The following ANKFN1 variants were observed in gnomAD, a reference collection of about 807,000 sequenced individuals.
ANKFN1 encodes ankyrin repeat and fibronectin type-III domain-containing protein 1.
Under a neutral mutation model 108.7 loss-of-function variants are expected in ANKFN1, and 74 were observed. That is an observed-to-expected ratio of 0.68 (90% CI 0.56 to 0.83). The LOEUF (loss-of-function observed/expected upper bound fraction) is 0.83, where lower values mean the gene tolerates loss of function less well. Ranked by LOEUF, ANKFN1 falls within the 40% of genes least tolerant of loss-of-function variation. ANKFN1 has a pLI of 0.00. For synonymous variants in ANKFN1, 547 were observed against 516.2 expected (o/e 1.06, Z -0.81); for missense variants, 1,505 against 1,382.3 (o/e 1.09, Z -1.41).
intron 4 of ANKFN1, among the ~76,000 whole-genome samples, chr17:56,105,494 CT>C (rs566075497): frequency 6.3e-4 from 96 of 152,072 alleles, no homozygotes; most frequent in Non-Finnish European, 1.0e-3. Context: ...TCCTTTGTAT[CT>C]TTTTTTCTTT....
At chr17:56,114,233 A>G (rs1248929377) in intron 4 of ANKFN1, among the ~76,000 whole-genome samples, 1 of 152,208 alleles carries the variant, frequency 6.6e-6, no homozygotes, top group Non-Finnish European at 1.5e-5. Flanking sequence ...ATTTTGGATG[A>G]CAGCTTTTAG....
At chr17:56,077,118 G>A (rs1203131961) in intron 4 of ANKFN1, among the ~76,000 whole-genome samples, 1 of 152,196 alleles carries the variant, frequency 6.6e-6, no homozygotes, top group East Asian at 1.9e-4. Context: ...GTTGTGTGAG[G>A]CAGGTAGATA....
chr17:56,148,326 C>T (rs974781069), intron 4 of ANKFN1, among the ~76,000 whole-genome samples: 6 of 152,174 alleles, frequency 3.9e-5, no homozygotes, highest in African/African-American at 9.6e-5. Flanking sequence ...ATTCTTTACA[C>T]GAATGGGATG....
At chr17:56,253,484 T>C (rs1396377664) in intron 3 of ANKFN1, among the ~76,000 whole-genome samples, 3 of 152,180 alleles carry the variant, frequency 2.0e-5, no homozygotes, top group Admixed American at 6.5e-5. Context: ...ACACCCATAA[T>C]CCCAGCACTT....
At chr17:56,099,921 C>T (rs1214719486) in intron 4 of ANKFN1, among the ~76,000 whole-genome samples, 5 of 152,220 alleles carry the variant, frequency 3.3e-5, no homozygotes, top group African/African-American at 1.2e-4. Context: ...GTCACTTCAC[C>T]CTTCTGGTTG....
At chr17:56,355,154 A>C (rs1318323824) in intron 6 of ANKFN1, among the ~76,000 whole-genome samples, 2 of 152,178 alleles carry the variant, frequency 1.3e-5, no homozygotes, top group Non-Finnish European at 2.9e-5. Flanking sequence ...GGATACACTA[A>C]ATACCCTAAT....
chr17:56,053,692 G>A (rs1292681531), intron 4 of ANKFN1, among the ~76,000 whole-genome samples: 2 of 151,994 alleles, frequency 1.3e-5, no homozygotes, highest in East Asian at 3.9e-4. Context: ...TGGATTTTAT[G>A]GTAGCTGTAT....
At chr17:56,327,226 T>C (rs1040675355) in intron 4 of ANKFN1, among the ~76,000 whole-genome samples, 4 of 152,150 alleles carry the variant, frequency 2.6e-5, no homozygotes, top group African/African-American at 4.8e-5. Flanking sequence ...AGAAAGTGAA[T>C]GTAGAAAGAT....
intron 8 of ANKFN1, among the ~76,000 whole-genome samples, chr17:56,399,857 A>G (rs1169186080): frequency 1.4e-5 from 2 of 146,758 alleles, no homozygotes; most frequent in East Asian, 3.9e-4. Flanking sequence ...ATATATATAT[A>G]TATATATATA....
At position 56,171,709 on chromosome 17, in the gene ANKFN1, C is replaced by T. The variant is rs540649775; in HGVS notation, c.-71+18179C>T. Among the ~76,000 whole-genome samples the T allele has an allele frequency of 3.9e-5, 6 of 152,304 alleles. No individual in the cohort carries two copies. In the East Asian group the frequency reaches 1.2e-3, roughly 29 times the overall value. ...CTCTGAAACAAGAGGCTGTCCACAG[C>T]TGGGTCACATACACTGAGTCTGAGT... On this transcript the variant is annotated intron_variant, in intron 1 of 20. Transcript: ENST00000682825.
chr17:56,380,849 T>C (rs1048594326), intron 8 of ANKFN1, among the ~76,000 whole-genome samples: 2 of 152,180 alleles, frequency 1.3e-5, no homozygotes, highest in African/African-American at 4.8e-5. Flanking sequence ...GCTCCACCTC[T>C]AGGGGTAGGG....
At chr17:56,260,818 A>C (rs1457616658) in intron 3 of ANKFN1, among the ~76,000 whole-genome samples, 2 of 152,206 alleles carry the variant, frequency 1.3e-5, no homozygotes, top group African/African-American at 2.4e-5. Flanking sequence ...AGCCAGGTCC[A>C]AACGATGTCA....
At chr17:56,422,455 A>G (rs1359630531) in intron 8 of ANKFN1, among the ~76,000 whole-genome samples, 2 of 151,198 alleles carry the variant, frequency 1.3e-5, no homozygotes, top group Non-Finnish European at 2.9e-5. Context: ...GCATGCACAC[A>G]CATGCACACA....
At chr17:56,500,123 GA>G (rs1281910539) in intron 20 of ANKFN1, among the ~76,000 whole-genome samples, 3 of 152,190 alleles carry the variant, frequency 2.0e-5, no homozygotes, top group Non-Finnish European at 4.4e-5. Context: ...TATGTAAAAT[GA>G]GAATAATACC....
At chr17:56,465,249 C>CA (rs1277681827) in intron 14 of ANKFN1, among the ~76,000 whole-genome samples, 5 of 152,118 alleles carry the variant, frequency 3.3e-5, no homozygotes, top group South Asian at 2.1e-4. Flanking sequence ...TAGGCCATCG[C>CA]AAAAAAATCA....
intron 1 of ANKFN1, among the ~76,000 whole-genome samples, chr17:56,166,296 A>T (rs987293079): frequency 6.6e-6 from 1 of 152,182 alleles, no homozygotes; most frequent in African/African-American, 2.4e-5. Context: ...ATTGGACAAG[A>T]TCAGAGATGC....
Position 56,457,956 on chromosome 17 carries a change from C to A in ANKFN1, c.1534C>A (p.Leu512Ile). ...AGTGCTGCAAACTCGGCAGAAGATGCTCGCAGCAACAGCACAGCTACAGGT... is the reference window on the plus strand; with the variant it reads ...AGTGCTGCAAACTCGGCAGAAGATGATCGCAGCAACAGCACAGCTACAGGT... ...STVLQTRQKMLAATAQLQNLL... is the reference protein window; with the variant it reads ...STVLQTRQKMIAATAQLQNLL... The change falls in exon 14 of 21, where the codon CTC becomes ATC. Residue 512 changes from leucine (L) to isoleucine (I), a missense_variant. Transcript: ENST00000682825. The A allele has an allele frequency of 6.2e-7, 1 of 1,614,014 alleles. No individual in the cohort carries two copies. The highest frequency in any genetic ancestry group is 1.1e-5 in the South Asian group (1 of 91,050).
chr17:56,304,390 T>A (rs4793809), intron 3 of ANKFN1, among the ~76,000 whole-genome samples: 16,769 of 152,244 alleles, frequency 0.11, 975 homozygotes, highest in African/African-American at 0.16. Flanking sequence ...ATTTTAACCA[T>A]CTGTTGAAGG....
intron 18 of ANKFN1, among the ~76,000 whole-genome samples, chr17:56,490,278 TGGCAG>T (rs1185803801): frequency 3.9e-5 from 6 of 152,310 alleles, no homozygotes; most frequent in South Asian, 4.1e-4. Context: ...TAGTTCCACC[TGGCAG>T]GGAGATGTCA....
Sources: gnomAD v4.1 joint callset for allele counts (sites outside exome capture counted in the v4.1 genomes callset) on GRCh38, gnomAD v4.1.1 for gene constraint, MANE v1.5 for transcripts, NCBI Gene and HGNC (gene_info 2026-07-23, HGNC 2026-07-21) for gene names.